Variants in KCNQ3 observed in about 807,000 individuals in gnomAD.
KCNQ3 encodes the protein potassium voltage-gated channel subfamily KQT member 3.
A neutral mutation model predicts 92.5 loss-of-function variants in KCNQ3; 30 were observed. The observed-to-expected ratio is 0.32, with a 90% CI of 0.24 to 0.44. KCNQ3 has a LOEUF of 0.44. Ranked by LOEUF, KCNQ3 falls within the 20% of genes least tolerant of loss-of-function variation. KCNQ3 has a pLI of 1.00. For missense variants in KCNQ3, 913 were observed against 1,140.3 expected (o/e 0.80, Z 2.87); for synonymous variants, 450 against 468.8 (o/e 0.96, Z 0.52).
At chr8:132,478,713 C>T (rs1822469675) in intron 1 of KCNQ3, among the ~76,000 whole-genome samples, 1 of 152,084 alleles carries the variant, frequency 6.6e-6, no homozygotes, top group African/African-American at 2.4e-5. Flanking sequence ...TCCCACCCCA[C>T]CCTTCCTGCT....
At chr8:132,358,447 A>C (rs1013683256) in intron 1 of KCNQ3, among the ~76,000 whole-genome samples, 32 of 152,326 alleles carry the variant, frequency 2.1e-4, no homozygotes, top group Admixed American at 9.2e-4. Context: ...TATCTAGAGG[A>C]AGAAGTCAAC....
chr8:132,216,468 A>G (rs1479731992), intron 1 of KCNQ3, among the ~76,000 whole-genome samples: 1 of 152,172 alleles, frequency 6.6e-6, no homozygotes, highest in Admixed American at 6.5e-5. Flanking sequence ...ATCCCTCCCC[A>G]GCCCTGTCTT....
At chr8:132,144,910 A>G in intron 9 of KCNQ3, among the ~76,000 whole-genome samples, 1 of 152,108 alleles carries the variant, frequency 6.6e-6, no homozygotes, top group Non-Finnish European at 1.5e-5. Context: ...GGCTTTTCTC[A>G]TCCATGGCAC....
intron 1 of KCNQ3, among the ~76,000 whole-genome samples, chr8:132,363,963 T>A (rs7843765): frequency 0.57 from 86,253 of 151,236 alleles, 27,738 homozygotes; most frequent in African/African-American, 0.89. Flanking sequence ...TGTCTTTTTT[T>A]AAAAAGTTCA....
In KCNQ3 at chr8:132,205,967, T is replaced by A. The variant is rs142729701; in HGVS notation, c.387-19786A>T. 9.2e-3 allele frequency among the ~76,000 whole-genome samples: 1,398 copies of A among 152,106 alleles called. 15 individuals are homozygous for A. Among genetic ancestry groups the A allele is most frequent in the Middle Eastern group, 0.02 (6 of 294 alleles). ...TGGACCCAGGGAGAGAAGACTTTGG[T>A]ATGTGAAGGTGGAAGGTGAGAAGGT... On this transcript the variant is annotated intron_variant, in intron 1 of 14. Coordinates refer to ENST00000388996, the MANE Select transcript of KCNQ3 (RefSeq NM_004519.4).
chr8:132,162,811 C>T (rs1826029599), intron 9 of KCNQ3, among the ~76,000 whole-genome samples: 2 of 152,026 alleles, frequency 1.3e-5, no homozygotes, highest in African/African-American at 2.4e-5. Context: ...GTCCAGGGTC[C>T]TCTCACCTCC....
rs996675047 is a variant in KCNQ3, at chr8:132,355,208, T to A, written c.386+124939A>T. On this transcript the variant is annotated intron_variant, in intron 1 of 14. Coordinates refer to ENST00000388996, the MANE Select transcript of KCNQ3 (RefSeq NM_004519.4). ...TGCAGAGCTGTAGGCTCAATGTGCA[T>A]AAATTACTGGTATAAAAACACCTCA... is the stretch of plus-strand genomic sequence containing the variant. Among the ~76,000 whole-genome samples the A allele has an allele frequency of 2.0e-5, 3 of 152,092 alleles. No homozygotes were observed. In the East Asian group the frequency reaches 5.8e-4, roughly 29 times the overall value.
intron 11 of KCNQ3, 39 bp downstream of exon 11, chr8:132,140,037 G>T (rs763979852): frequency 2.7e-5 from 37 of 1,364,032 alleles, no homozygotes; most frequent in Non-Finnish European, 3.7e-5. Context: ...CTGGAGCGGG[G>T]GAGGCACACA....
chr8:132,179,176 A>C (rs554059384), intron 4 of KCNQ3, among the ~76,000 whole-genome samples: 1 of 151,494 alleles, frequency 6.6e-6, no homozygotes, highest in South Asian at 2.1e-4. Context: ...GATTAAAACA[A>C]AGTGCTACCA....
chr8:132,229,530 G>T (rs1217386696), intron 1 of KCNQ3, among the ~76,000 whole-genome samples: 2 of 152,064 alleles, frequency 1.3e-5, no homozygotes, highest in Non-Finnish European at 2.9e-5. Context: ...GAAAGTTGAT[G>T]AAATTCATTT....
intron 2 of KCNQ3, among the ~76,000 whole-genome samples, chr8:132,184,742 A>G (rs921655172): frequency 5.3e-5 from 8 of 152,174 alleles, no homozygotes; most frequent in Non-Finnish European, 1.2e-4. Flanking sequence ...GTGAAACACA[A>G]TCTGTTAATT....
chr8:132,389,018 C>T (rs1341444279), intron 1 of KCNQ3, among the ~76,000 whole-genome samples: 1 of 152,180 alleles, frequency 6.6e-6, no homozygotes, highest in Admixed American at 6.5e-5. Flanking sequence ...TGGCCTCTAC[C>T]TCACACCATA....
At chr8:132,281,320 C>T (rs1816504670) in intron 1 of KCNQ3, among the ~76,000 whole-genome samples, 1 of 152,138 alleles carries the variant, frequency 6.6e-6, no homozygotes, top group African/African-American at 2.4e-5. Context: ...CCAAGAGGTG[C>T]TCTGGCACCT....
At position 132,184,318 on chromosome 8, in the gene KCNQ3, C is replaced by A; in HGVS notation, c.527G>T (p.Trp176Leu). ...GTATCGGCAGCAACATCCAGCAGCC[C>A]AGATCCTCAAAGCAAACTCGGCTCC... ...IFGAEFALRI[W>L]AAGCCCRYKG... The change falls in exon 3 of 15, where the codon TGG becomes TTG. Residue 176 changes from tryptophan (W) to leucine (L), a missense_variant. By Grantham distance (61) the Trp-to-Leu change is moderately conservative. Around this residue, in one of 6 missense-constraint regions of KCNQ3, gnomAD observed 100 missense variants for 217.6 expected, o/e 0.46. Transcript: ENST00000388996. 1.2e-6 allele frequency: 2 copies of A among 1,614,162 alleles called. No homozygotes were observed. The highest frequency in any genetic ancestry group is 1.7e-6 in the Non-Finnish European group (2 of 1,180,032).
chr8:132,407,264 A>C (rs1004921260), intron 1 of KCNQ3, among the ~76,000 whole-genome samples: 5 of 152,162 alleles, frequency 3.3e-5, no homozygotes, highest in African/African-American at 1.2e-4. Context: ...TGGACCCACG[A>C]TCTTATTTAT....
intron 1 of KCNQ3, among the ~76,000 whole-genome samples, chr8:132,284,173 T>TA (rs1745461902): frequency 6.6e-6 from 1 of 152,062 alleles, no homozygotes; most frequent in African/African-American, 2.4e-5. Flanking sequence ...CCCTAAAACT[T>TA]AAAGTATAAT....
At chr8:132,244,110 G>C (rs1815081997) in intron 1 of KCNQ3, among the ~76,000 whole-genome samples, 2 of 152,140 alleles carry the variant, frequency 1.3e-5, no homozygotes, top group South Asian at 4.1e-4. Flanking sequence ...CTCAGAACTG[G>C]TCAGGGTCAG....
Position 132,123,119 on chromosome 8 carries a change from T to A in KCNQ3, c.*6143A>T, listed in dbSNP as rs1168042566. 1 of 152,182 alleles carries A rather than the reference T, an allele frequency of 6.6e-6. No homozygotes were observed. The highest frequency in any genetic ancestry group is 1.5e-5 in the Non-Finnish European group (1 of 68,042). The allele number at this position is 152,182 out of a possible 1,614,324, so 9.4% of individuals were successfully genotyped here. A position where few individuals can be genotyped will look rare whatever the true frequency, so the allele number is the denominator to read the frequency against. The stretch of plus-strand genomic sequence containing the variant: ...CCAAAAGAAATCATGCCTGACTTCC[T>A]AAAATCAAAACCATAGGGATTTATC... On this transcript the variant is annotated 3_prime_UTR_variant, in exon 15 of 15. Transcript: ENST00000388996.
intron 1 of KCNQ3, among the ~76,000 whole-genome samples, chr8:132,286,871 G>A (rs1193208972): frequency 6.6e-6 from 1 of 152,190 alleles, no homozygotes; most frequent in Non-Finnish European, 1.5e-5. Flanking sequence ...CCACCCATGA[G>A]AGTGGGTTGT....
Sources: gnomAD v4.1 joint callset for allele counts (sites outside exome capture counted in the v4.1 genomes callset) on GRCh38, gnomAD v4.1.1 for gene constraint, gnomAD v4.1.1 regional missense constraint, MANE v1.5 for transcripts, NCBI Gene and HGNC (gene_info 2026-07-23, HGNC 2026-07-21) for gene names.